CD320: variants seen among roughly 807,000 people sequenced by gnomAD.
CD320 encodes the protein CD320 molecule, also known as CD320 antigen.
Under a neutral mutation model 22.1 loss-of-function variants are expected in CD320, and 16 were observed. The observed-to-expected ratio is 0.73, with a 90% CI of 0.49 to 1.10. The LOEUF is 1.10. Among genes scored for constraint, CD320 ranks in the 50% least tolerant of loss-of-function variants. The pLI is 0.00. For missense variants in CD320, 388 were observed against 376.9 expected (o/e 1.03, Z -0.24); for synonymous variants, 188 against 167.8 (o/e 1.12, Z -0.93).
At position 8,308,256 on chromosome 19, in the gene CD320, C is replaced by A. The variant is rs763898394; in HGVS notation, c.35G>T (p.Trp12Leu). 1.8e-4 allele frequency: 279 copies of A among 1,583,808 alleles called. No individual in the cohort carries two copies. The highest frequency in any genetic ancestry group is 5.0e-4 in the Middle Eastern group (3 of 6,006). ...SGGWMAQVGAWRTGALGLALL... is the reference protein window; with the variant it reads ...SGGWMAQVGALRTGALGLALL... The stretch of plus-strand genomic sequence containing the variant: ...CGCCAGGCCCAGAGCCCCTGTTCGC[C>A]ACGCTCCAACCTGCGCCATCCAACC... The change falls in exon 1 of 5, where the codon TGG becomes TTG. Residue 12 changes from tryptophan (W) to leucine (L), a missense_variant. By Grantham distance (61) the Trp-to-Leu change is moderately conservative. Transcript: ENST00000301458.
intron 1 of CD320, among the ~76,000 whole-genome samples, chr19:8,307,690 G>A (rs1175185674): frequency 6.6e-6 from 1 of 152,216 alleles, no homozygotes; most frequent in African/African-American, 2.4e-5. Flanking sequence ...GAGGACAAAG[G>A]AGGAGAGACT....
chr19:8,302,675 T>A, intron 4 of CD320, 70 bp from the exon 5 acceptor site: 5 of 1,606,612 alleles, frequency 3.1e-6, no homozygotes, highest in Non-Finnish European at 4.3e-6. Context: ...CCAAGCTCCA[T>A]ACACATGGGG....
chr19:8,307,656 G>C (rs903079892), intron 1 of CD320, among the ~76,000 whole-genome samples: 1 of 152,182 alleles, frequency 6.6e-6, no homozygotes, highest in African/African-American at 2.4e-5. Context: ...ATGGGGGGGA[G>C]AGACCTCGCG....
In CD320 at chr19:8,304,017, T is replaced by C. The variant is rs775103018; in HGVS notation, c.340A>G (p.Ser114Gly). The C allele has an allele frequency of 4.5e-6, 7 of 1,566,358 alleles. No individual in the cohort carries two copies. The East Asian group carries it at 1.2e-4, about 27-fold the overall frequency. The change falls in exon 3 of 5, where the codon AGT becomes GGT. Residue 114 changes from serine (S) to glycine (G), a missense_variant. Physicochemically the swap from Ser to Gly is moderately conservative, Grantham distance 56. Transcript: ENST00000301458. Reference sequence around the variant, plus strand: ...TTGTCAGTTCCCCCAGAGCAGTCACTGACGCCGGTGCAGGGGCAGGGGAGG... The same window carrying C: ...TTGTCAGTTCCCCCAGAGCAGTCACCGACGCCGGTGCAGGGGCAGGGGAGG... ...PGLPCPCTGV[S>G]DCSGGTDKKL...
intron 1 of CD320, among the ~76,000 whole-genome samples, chr19:8,307,784 C>T (rs1429716332): frequency 6.6e-6 from 1 of 152,146 alleles, no homozygotes; most frequent in Non-Finnish European, 1.5e-5. Flanking sequence ...CACCAGGTGA[C>T]CCGTCCTGCG....
chr19:8,303,728 T>C, intron 3 of CD320, 127 bp downstream of exon 3: 1 of 700,888 alleles, frequency 1.4e-6, no homozygotes, highest in Non-Finnish European at 2.5e-6. Flanking sequence ...AATGATGTCT[T>C]GATTCCCCCA....
At chr19:8,308,116 G>C (rs1785341550) in intron 1 of CD320, 33 bp downstream of exon 1, 2 of 1,458,432 alleles carry the variant, frequency 1.4e-6, no homozygotes, top group Non-Finnish European at 1.8e-6. Context: ...GCCTCGCGAG[G>C]GGTGGGAGCC....
Position 8,308,213 on chromosome 19 carries a change from G to A in CD320, c.78C>T (p.Gly26=). The A allele has an allele frequency of 1.3e-6, 2 of 1,574,202 alleles. No homozygotes were observed. The highest frequency in any genetic ancestry group is 1.1e-5 in the South Asian group (1 of 87,510). ...CGGCGGCCTCCAGGCCTAGTCCGAGGCCGAGCAGCAGCAGCAGCGCCAGGC... is the reference window on the plus strand; with the variant it reads ...CGGCGGCCTCCAGGCCTAGTCCGAGACCGAGCAGCAGCAGCAGCGCCAGGC... The part of the protein sequence containing the change: ...ALGLALLLLL[G]LGLGLEAAAS... Residue 26 remains glycine (G), a synonymous_variant, in exon 1 of 5, where the codon GGC becomes GGT. Transcript: ENST00000301458.
chr19:8,302,565 A>G lies in CD320; in HGVS notation c.747T>C (p.Leu249=), dbSNP rs373186846. 1.9e-6 allele frequency: 3 copies of G among 1,613,778 alleles called. No homozygotes were observed. Among genetic ancestry groups the G allele is most frequent in the African/African-American group, 2.7e-5 (2 of 74,878 alleles). ...SASLVTATLL[L]LSWLRAQERL... is the part of the protein sequence containing the mutation. ...GCTCCTGGGCTCGGAGCCAGGACAA[A>G]AGGAGGAGGGTGGCGGTGACCAGGC... The change falls in exon 5 of 5, where the codon CTT becomes CTC. Residue 249 remains leucine (L), a synonymous_variant. Transcript: ENST00000301458.
intron 1 of CD320, among the ~76,000 whole-genome samples, chr19:8,307,441 G>T (rs571795048): frequency 6.6e-6 from 1 of 152,160 alleles, no homozygotes; most frequent in Non-Finnish European, 1.5e-5. Flanking sequence ...AAGGAGCTGG[G>T]AAAGTGTGTG....
intron 2 of CD320, among the ~76,000 whole-genome samples, chr19:8,304,488 G>T (rs1599622353): frequency 6.6e-6 from 1 of 152,074 alleles, no homozygotes; most frequent in Middle Eastern, 3.4e-3. Flanking sequence ...GATTACAGGG[G>T]CCTGCCGCCA....
At chr19:8,304,746 G>A (rs1394704168) in intron 2 of CD320, 13 of 420,934 alleles carry the variant, frequency 3.1e-5, no homozygotes, top group South Asian at 3.0e-4. Flanking sequence ...TGCCCAGGCT[G>A]GAGTGCACTG....
At position 8,302,849 on chromosome 19, in the gene CD320, C is replaced by T. The variant is rs550390075; in HGVS notation, c.634G>A (p.Gly212Arg). 32 of 1,614,064 alleles carry T rather than the reference C, an allele frequency of 2.0e-5. No homozygotes were observed. The African/African-American group carries it at 2.1e-4, about 11-fold the overall frequency. The change falls in exon 4 of 5, where the codon GGG becomes AGG. Residue 212 changes from glycine (G) to arginine (R), a missense_variant. Coordinates refer to ENST00000301458, the MANE Select transcript of CD320 (RefSeq NM_016579.4). ...PVTLESVPSV[G>R]NATSSSAGDQ... ...CCGGCAGAGGAGGATGTGGCATTCCCGACAGAGGGGACACTCTCCAGGGTC... is the reference window on the plus strand; with the variant it reads ...CCGGCAGAGGAGGATGTGGCATTCCTGACAGAGGGGACACTCTCCAGGGTC...
rs139948057 is a variant in CD320 at position 8,305,637 on chromosome 19, T to C, written c.143-481A>G. The C allele has an allele frequency of 2.6e-3, 430 of 167,912 alleles. 1 individual carries two copies. The highest frequency in any genetic ancestry group is 9.9e-3 in the African/African-American group (416 of 41,922). The allele number at this position is 167,912 out of a possible 1,614,324, so 10.4% of individuals were successfully genotyped here. A position where few individuals can be genotyped will look rare whatever the true frequency, so the allele number is the denominator to read the frequency against. ...ATGAGAATCGCTTAAACCTGGGAGA[T>C]GGAGGTTGCAATGAACCGAAATCAT... On this transcript the variant is annotated intron_variant, in intron 1 of 4. Transcript: ENST00000301458.
intron 3 of CD320, 109 bp downstream of exon 3, chr19:8,303,746 G>A (rs2145375581): frequency 1.3e-6 from 1 of 750,358 alleles, no homozygotes; most frequent in East Asian, 2.7e-5. Flanking sequence ...CCACAGGGAT[G>A]CAGGCACGGG....
intron 1 of CD320, among the ~76,000 whole-genome samples, chr19:8,306,790 G>A (rs1261071456): frequency 6.6e-6 from 1 of 152,168 alleles, no homozygotes; most frequent in Non-Finnish European, 1.5e-5. Flanking sequence ...CCACCCAGGC[G>A]CAGACTTCCA....
rs764838647 is a variant in CD320, at chr19:8,302,987, T to C, written c.503-7A>G. ...GGGAGGATCTCATTGGTTCCTGCAATAAGCCCAGGCGTTCAGTAGTTGAGG... is the reference window on the plus strand; with the variant it reads ...GGGAGGATCTCATTGGTTCCTGCAACAAGCCCAGGCGTTCAGTAGTTGAGG... On this transcript the variant is annotated splice_region_variant and splice_polypyrimidine_tract_variant and intron_variant, in intron 3 of 4. Transcript: ENST00000301458. 5.0e-6 allele frequency: 8 copies of C among 1,613,254 alleles called. No individual in the cohort carries two copies. The highest frequency in any genetic ancestry group is 6.8e-6 in the Non-Finnish European group (8 of 1,179,586).
At chr19:8,305,280 G>C (rs555532509) in intron 1 of CD320, 124 bp from the exon 2 acceptor site, 1 of 1,233,852 alleles carries the variant, frequency 8.1e-7, no homozygotes, top group East Asian at 2.6e-5. Context: ...AACCACACTG[G>C]CGGCTGCTTG....
At chr19:8,307,101 G>C (rs1363284510) in intron 1 of CD320, among the ~76,000 whole-genome samples, 1 of 151,998 alleles carries the variant, frequency 6.6e-6, no homozygotes, top group Admixed American at 6.6e-5. Context: ...AGACCAGTCT[G>C]GCCAACATGG....
Sources: allele counts gnomAD v4.1 joint callset (sites outside exome capture counted in the v4.1 genomes callset), GRCh38; gene constraint gnomAD v4.1.1; transcripts MANE v1.5; gene names NCBI Gene and HGNC (gene_info 2026-07-23, HGNC 2026-07-21).